The following HDAC9 variants were observed in gnomAD, a reference collection of about 807,000 sequenced individuals.
HDAC9 encodes the protein MEF-2 interacting transcription repressor (MITR) protein.
Under a neutral mutation model 139.4 loss-of-function variants are expected in HDAC9, and 41 were observed. The observed-to-expected ratio is 0.29, with a 90% CI of 0.23 to 0.38. The LOEUF is 0.38. Among genes scored for constraint, HDAC9 ranks in the 10% least tolerant of loss-of-function variants. HDAC9 has a pLI of 1.00. For synonymous variants in HDAC9, 517 were observed against 476.2 expected, an observed-to-expected ratio of 1.09 and a Z score of -1.12; for missense variants, 1,147 against 1,297.0, an observed-to-expected ratio of 0.88 and a Z score of 1.78.
intron 2 of HDAC9, among the ~76,000 whole-genome samples, chr7:18,568,463 G>A (rs1823191653): frequency 2.0e-5 from 3 of 152,134 alleles, no homozygotes; most frequent in Admixed American, 6.5e-5. Context: ...CATAGCTAGC[G>A]CTCAGCATAT....
chr7:18,218,316 C>A (rs190836395), intron 2 of HDAC9, among the ~76,000 whole-genome samples: 36 of 152,076 alleles, frequency 2.4e-4, no homozygotes, highest in African/African-American at 8.7e-4. Context: ...TGGTGGTACA[C>A]GCCTGTAATC....
intron 13 of HDAC9, among the ~76,000 whole-genome samples, chr7:18,739,772 G>C (rs930546681): frequency 6.6e-6 from 1 of 152,246 alleles, no homozygotes. Context: ...CTCAAATGCC[G>C]TGCTGGGAGA....
chr7:18,971,980 A>C (rs1784268181), intron 24 of HDAC9, among the ~76,000 whole-genome samples: 1 of 152,170 alleles, frequency 6.6e-6, no homozygotes, highest in African/African-American at 2.4e-5. Context: ...TATGGAAGTA[A>C]AGATGTTTGT....
At chr7:18,308,477 A>G (rs1045960068) in intron 1 of HDAC9, among the ~76,000 whole-genome samples, 2 of 152,202 alleles carry the variant, frequency 1.3e-5, no homozygotes, top group African/African-American at 4.8e-5. Flanking sequence ...CTCCCTTTCA[A>G]AATGATATTT....
intron 6 of HDAC9, among the ~76,000 whole-genome samples, chr7:18,613,973 C>T (rs1484369952): frequency 6.6e-6 from 1 of 151,998 alleles, no homozygotes; most frequent in Non-Finnish European, 1.5e-5. Context: ...ACCTGAGGTT[C>T]CTGAGGTTCC....
At chr7:18,682,683 A>G (rs1344940720) in intron 12 of HDAC9, among the ~76,000 whole-genome samples, 1 of 152,026 alleles carries the variant, frequency 6.6e-6, no homozygotes, top group Non-Finnish European at 1.5e-5. Context: ...TAAAGGTTGA[A>G]ATCAAATTAA....
At chr7:18,859,505 A>G (rs950050277) in intron 21 of HDAC9, among the ~76,000 whole-genome samples, 1 of 151,708 alleles carries the variant, frequency 6.6e-6, no homozygotes, top group African/African-American at 2.4e-5. Context: ...GTGTTACTAA[A>G]TGAGCTTGCC....
chr7:18,107,274 G>A (rs924388611), intron 1 of HDAC9, among the ~76,000 whole-genome samples: 1 of 152,126 alleles, frequency 6.6e-6, no homozygotes, highest in African/African-American at 2.4e-5. Context: ...GAGCTGCTTA[G>A]TGATAACTGC....
intron 2 of HDAC9, among the ~76,000 whole-genome samples, chr7:18,501,357 G>A (rs935650444): frequency 2.0e-5 from 3 of 151,696 alleles, no homozygotes; most frequent in Non-Finnish European, 4.4e-5. Context: ...TTCTGAGCAG[G>A]GACAGACTCC....
chr7:18,189,980 C>T (rs996352295), intron 2 of HDAC9, among the ~76,000 whole-genome samples: 5 of 151,832 alleles, frequency 3.3e-5, no homozygotes, highest in African/African-American at 1.2e-4. Context: ...GCTCTTGTTG[C>T]CCAGGCTGGA....
At chr7:18,559,019 G>C (rs1169728805) in intron 2 of HDAC9, among the ~76,000 whole-genome samples, 1 of 152,142 alleles carries the variant, frequency 6.6e-6, no homozygotes, top group East Asian at 1.9e-4. Context: ...TGACATCCCT[G>C]TTTTGGACTG....
intron 2 of HDAC9, among the ~76,000 whole-genome samples, chr7:18,546,945 A>T (rs1586897760): frequency 6.6e-6 from 1 of 152,358 alleles, no homozygotes; most frequent in South Asian, 2.1e-4. Flanking sequence ...ACTTCTACTA[A>T]ATATTTTTGC....
At chr7:18,530,756 GT>G in intron 2 of HDAC9, among the ~76,000 whole-genome samples, 1 of 150,230 alleles carries the variant, frequency 6.7e-6, no homozygotes, top group South Asian at 2.1e-4. Context: ...GTTTGTAAAA[GT>G]TTTGAATGCT....
chr7:18,692,531 C>T (rs748286573), intron 12 of HDAC9, among the ~76,000 whole-genome samples: 4 of 151,976 alleles, frequency 2.6e-5, no homozygotes, highest in Non-Finnish European at 5.9e-5. Flanking sequence ...TAAAACAAAC[C>T]GTCTTTCCTT....
At chr7:18,229,704 C>G (rs1793322089) in intron 2 of HDAC9, among the ~76,000 whole-genome samples, 1 of 152,118 alleles carries the variant, frequency 6.6e-6, no homozygotes, top group Non-Finnish European at 1.5e-5. Flanking sequence ...AAAATGCCCT[C>G]TGAGGATATT....
chr7:18,430,330 C>T (rs1790526465), intron 1 of HDAC9: 1 of 152,098 alleles, frequency 6.6e-6, no homozygotes, highest in African/African-American at 2.4e-5. Context: ...CCGAAGTGAT[C>T]CTCCCACCTC....
chr7:18,992,009 G>A (rs1477474760), intron 25 of HDAC9, among the ~76,000 whole-genome samples: 1 of 152,206 alleles, frequency 6.6e-6, no homozygotes, highest in Non-Finnish European at 1.5e-5. Flanking sequence ...AGTAAACTAA[G>A]TATTGCTAGC....
chr7:18,435,048 T>A, intron 1 of HDAC9, among the ~76,000 whole-genome samples: 1 of 66,874 alleles, frequency 1.5e-5, no homozygotes, highest in East Asian at 5.0e-4. Context: ...CCCCATGAAA[T>A]ACTACACAGC....
At chr7:18,459,914 G>C (rs1029474285) in intron 1 of HDAC9, among the ~76,000 whole-genome samples, 3 of 151,532 alleles carry the variant, frequency 2.0e-5, no homozygotes, top group Non-Finnish European at 4.4e-5. Context: ...ATGAAGTTAA[G>C]GGTTTTGGAA....
Sources: allele counts gnomAD v4.1 joint callset (sites outside exome capture counted in the v4.1 genomes callset), GRCh38; gene constraint gnomAD v4.1.1; transcripts MANE v1.5; gene names NCBI Gene and HGNC (gene_info 2026-07-23, HGNC 2026-07-21).